The following ADGRV1 variants were observed in gnomAD, a reference collection of about 807,000 sequenced individuals.
ADGRV1 encodes the protein G-protein coupled receptor 98.
Under a neutral mutation model 596.2 loss-of-function variants are expected in ADGRV1, and 359 were observed. The ratio of observed to expected loss-of-function variants is 0.60; its 90% CI spans 0.55 to 0.66. The LOEUF is 0.66. ADGRV1 is among the 30% of genes least tolerant of loss of function. The pLI is 0.00. For synonymous variants in ADGRV1, 2,681 were observed against 2,679.2 expected (o/e 1.00, Z -0.02); for missense variants, 7,274 against 7,575.6 (o/e 0.96, Z 1.48).
intron 1 of ADGRV1, among the ~76,000 whole-genome samples, chr5:90,569,746 C>T (rs1468320061): frequency 1.7e-4 from 26 of 151,246 alleles, no homozygotes. Flanking sequence ...TTATTGGTTA[C>T]CCTGGGGATT....
intron 32 of ADGRV1, among the ~76,000 whole-genome samples, chr5:90,693,137 G>GTTTTTTTTTTTTT (rs138813234): frequency 2.3e-5 from 3 of 131,772 alleles, no homozygotes; most frequent in Admixed American, 7.6e-5. Context: ...TTCCAGGTCT[G>GTTTTTTTTTTTTT]TTTTTTTTTT....
At chr5:90,638,022 ACT>A (rs1477866154) in intron 11 of ADGRV1, 74 bp downstream of exon 11, 1 of 1,001,758 alleles carries the variant, frequency 1.0e-6, no homozygotes, top group Admixed American at 2.7e-5. Flanking sequence ...TTTTTTTTTT[ACT>A]CTTTTTTTTC....
At chr5:90,593,135 T>G (rs1417860280) in intron 1 of ADGRV1, among the ~76,000 whole-genome samples, 1 of 152,138 alleles carries the variant, frequency 6.6e-6, no homozygotes, top group Non-Finnish European at 1.5e-5. Context: ...CATGCTACTA[T>G]AAAGACACAT....
chr5:90,605,480 C>T, intron 1 of ADGRV1, among the ~76,000 whole-genome samples: 1 of 151,312 alleles, frequency 6.6e-6, no homozygotes, highest in East Asian at 1.9e-4. Flanking sequence ...TTTACTTGCC[C>T]TGTTTCTGTT....
intron 85 of ADGRV1, among the ~76,000 whole-genome samples, chr5:91,065,326 T>C (rs912949159): frequency 5.3e-5 from 8 of 152,314 alleles, no homozygotes; most frequent in Admixed American, 5.2e-4. Context: ...CTATTATCCT[T>C]GTCTTAGAAG....
intron 87 of ADGRV1, among the ~76,000 whole-genome samples, chr5:91,149,288 C>T (rs1357327179): frequency 1.3e-5 from 2 of 152,198 alleles, no homozygotes; most frequent in Non-Finnish European, 2.9e-5. Flanking sequence ...TAATAATCCC[C>T]ATGTGTCAAG....
At chr5:90,968,702 C>T (rs541534657) in intron 84 of ADGRV1, among the ~76,000 whole-genome samples, 3 of 143,876 alleles carry the variant, frequency 2.1e-5, no homozygotes, top group African/African-American at 7.5e-5. Flanking sequence ...ACAGTGACTG[C>T]TGAAATCTTT....
At chr5:90,811,609 C>T (rs1005537457) in intron 74 of ADGRV1, among the ~76,000 whole-genome samples, 3 of 151,976 alleles carry the variant, frequency 2.0e-5, no homozygotes, top group Admixed American at 6.6e-5. Context: ...ATATAAATAA[C>T]GTTTAATTTA....
At chr5:91,111,249 C>G (rs533173993) in intron 87 of ADGRV1, among the ~76,000 whole-genome samples, 1 of 152,296 alleles carries the variant, frequency 6.6e-6, no homozygotes, top group Non-Finnish European at 1.5e-5. Flanking sequence ...CTCTCCACCC[C>G]ACCCTGCCTT....
intron 1 of ADGRV1, among the ~76,000 whole-genome samples, chr5:90,568,540 C>T (rs1200926457): frequency 6.6e-6 from 1 of 152,114 alleles, no homozygotes; most frequent in Non-Finnish European, 1.5e-5. Context: ...CATATTATCT[C>T]TTCTGGAGAC....
chr5:90,634,315 A>T (rs903883358), intron 9 of ADGRV1, among the ~76,000 whole-genome samples: 2 of 152,218 alleles, frequency 1.3e-5, no homozygotes, highest in African/African-American at 4.8e-5. Context: ...AAGCTGCTGC[A>T]GTTTCAAGTC....
intron 83 of ADGRV1, among the ~76,000 whole-genome samples, chr5:90,895,743 A>G (rs1399960884): frequency 6.6e-6 from 1 of 152,174 alleles, no homozygotes; most frequent in Non-Finnish European, 1.5e-5. Flanking sequence ...TGCTGGTAAT[A>G]GTTTTAACTT....
chr5:91,107,618 A>G (rs527314012), intron 87 of ADGRV1, among the ~76,000 whole-genome samples: 1 of 152,290 alleles, frequency 6.6e-6, no homozygotes, highest in East Asian at 1.9e-4. Flanking sequence ...TCAAAGCATG[A>G]GATAAAAATT....
At chr5:91,018,062 T>C (rs1422612795) in intron 85 of ADGRV1, among the ~76,000 whole-genome samples, 1 of 151,980 alleles carries the variant, frequency 6.6e-6, no homozygotes, top group Non-Finnish European at 1.5e-5. Context: ...AAGTACATGC[T>C]GGATCTTCTA....
intron 85 of ADGRV1, among the ~76,000 whole-genome samples, chr5:91,070,261 G>T (rs1788271097): frequency 6.6e-6 from 1 of 152,062 alleles, no homozygotes; most frequent in South Asian, 2.1e-4. Flanking sequence ...TAAAATAAAG[G>T]TTGAAGTTAT....
intron 83 of ADGRV1, among the ~76,000 whole-genome samples, chr5:90,952,991 A>G (rs1261152949): frequency 2.6e-5 from 4 of 152,172 alleles, no homozygotes. Context: ...ATTCATTGAA[A>G]AGACCACAAT....
intron 85 of ADGRV1, among the ~76,000 whole-genome samples, chr5:91,006,560 T>C (rs1279898370): frequency 1.3e-5 from 2 of 152,148 alleles, no homozygotes; most frequent in Admixed American, 1.3e-4. Flanking sequence ...TGGAGAAACC[T>C]GAATGATAGA....
At chr5:90,896,901 G>A (rs1481611665) in intron 83 of ADGRV1, among the ~76,000 whole-genome samples, 4 of 152,306 alleles carry the variant, frequency 2.6e-5, no homozygotes, top group African/African-American at 9.6e-5. Context: ...TATCAGGCTG[G>A]ATGACATTCC....
At position 90,647,659 on chromosome 5, in the gene ADGRV1, A is replaced by T. The variant is rs1375415155; in HGVS notation, c.3184A>T (p.Ile1062Phe). ...TCCTGTTGAAAAAGGAGAAACGCTC[A>T]TTTTTGAGGTTGGAAGTAGACAGCA... ...FIPVEKGETLIFEVGSRQQSI... is the reference protein window; with the variant it reads ...FIPVEKGETLFFEVGSRQQSI... Residue 1062 changes from isoleucine to phenylalanine, a missense_variant, in exon 17 of 90, where the codon ATT (isoleucine) becomes TTT (phenylalanine). Ile to Phe is a conservative substitution (Grantham distance 21). Around this residue, in one of 5 missense-constraint regions of ADGRV1, gnomAD observed 1,715 missense variants for 1,708.8 expected, o/e 1.00. Transcript: ENST00000405460. The T allele has an allele frequency of 6.2e-7, 1 of 1,613,876 alleles. No individual in the cohort carries two copies. The highest frequency in any genetic ancestry group is 8.5e-7 in the Non-Finnish European group (1 of 1,179,866).
Sources: gnomAD v4.1 joint callset for allele counts (sites outside exome capture counted in the v4.1 genomes callset) on GRCh38, gnomAD v4.1.1 for gene constraint, gnomAD v4.1.1 regional missense constraint, MANE v1.5 for transcripts, NCBI Gene and HGNC (gene_info 2026-07-23, HGNC 2026-07-21) for gene names.